TPRG1: variants seen among roughly 807,000 people sequenced by gnomAD.
TPRG1 encodes tumor protein p63 regulated 1, also known as tumor protein p63-regulated gene 1 protein.
Under a neutral mutation model 29.3 loss-of-function variants are expected in TPRG1, and 29 were observed. The observed-to-expected ratio is 0.99, with a 90% CI of 0.74 to 1.35. The LOEUF is 1.35. TPRG1 is among the 40% of genes most tolerant of loss of function. The probability of loss-of-function intolerance (pLI) is 0.00; values close to 1 mark genes in which losing one functional copy is unlikely to be tolerated. For missense variants in TPRG1, 327 were observed against 335.0 expected, an observed-to-expected ratio of 0.98 and a Z score of 0.19; for synonymous variants, 130 against 116.8, an observed-to-expected ratio of 1.11 and a Z score of -0.73.
upstream of TPRG1, among the ~76,000 whole-genome samples, chr3:189,170,696 A>G (rs1308331068): frequency 6.6e-6 from 1 of 152,174 alleles, no homozygotes; most frequent in Non-Finnish European, 1.5e-5. Context: ...AGTATACATG[A>G]CGTCCTCGAC....
intron 1 of TPRG1, among the ~76,000 whole-genome samples, chr3:189,124,974 C>T (rs1560466635): frequency 6.6e-6 from 1 of 152,146 alleles, no homozygotes; most frequent in African/African-American, 2.4e-5. Flanking sequence ...GCAATGAGAT[C>T]TTAAGTGATT....
intron 1 of TPRG1, among the ~76,000 whole-genome samples, chr3:189,102,548 C>T (rs1719327143): frequency 6.6e-6 from 1 of 152,200 alleles, no homozygotes; most frequent in Non-Finnish European, 1.5e-5. Flanking sequence ...TAAATTGACT[C>T]TATTGCCTAA....
intron 4 of TPRG1, among the ~76,000 whole-genome samples, chr3:189,076,923 C>CATATATATATATATATATAT (rs150949911): frequency 5.2e-4 from 73 of 140,646 alleles, no homozygotes; most frequent in African/African-American, 2.0e-3. Context: ...TATATGTGTA[C>CATATATATATATATATATAT]ATATATATAT....
At chr3:189,038,243 A>T (rs1176317840) in intron 4 of TPRG1, among the ~76,000 whole-genome samples, 24 of 152,050 alleles carry the variant, frequency 1.6e-4, no homozygotes, top group Admixed American at 1.6e-3. Context: ...TATGGTATAA[A>T]ATTAAGGTGA....
At chr3:189,064,523 GA>G (rs1716312344) in intron 4 of TPRG1, among the ~76,000 whole-genome samples, 1 of 151,992 alleles carries the variant, frequency 6.6e-6, no homozygotes, top group Admixed American at 6.6e-5. Flanking sequence ...GAAAAAATAA[GA>G]AAGATTATAG....
At chr3:189,030,481 C>T (rs1713874296) in intron 4 of TPRG1, among the ~76,000 whole-genome samples, 1 of 152,180 alleles carries the variant, frequency 6.6e-6, no homozygotes, top group Non-Finnish European at 1.5e-5. Flanking sequence ...AAATAATTCA[C>T]TTTCCAATTC....
At chr3:189,025,412 T>G (rs1443136500) in intron 4 of TPRG1, among the ~76,000 whole-genome samples, 2 of 152,218 alleles carry the variant, frequency 1.3e-5, no homozygotes, top group Non-Finnish European at 2.9e-5. Flanking sequence ...ATTGCTTCCC[T>G]GATCAGTCCC....
At chr3:189,250,173 G>C (rs1741940386) in intron 4 of TPRG1, among the ~76,000 whole-genome samples, 3 of 152,136 alleles carry the variant, frequency 2.0e-5, no homozygotes, top group African/African-American at 7.2e-5. Context: ...TGTGGTTAGA[G>C]TGGGGAAGCC....
intron 4 of TPRG1, among the ~76,000 whole-genome samples, chr3:189,065,069 C>G (rs1716349281): frequency 6.6e-6 from 1 of 151,944 alleles, no homozygotes; most frequent in African/African-American, 2.4e-5. Context: ...CACAGCTACT[C>G]AAGAGGTTGA....
chr3:189,003,583 C>G (rs710502), intron 2 of TPRG1, among the ~76,000 whole-genome samples: 134,889 of 152,094 alleles, frequency 0.89, 61,743 homozygotes, highest in Non-Finnish European at 1. Context: ...TTGTAGAGCT[C>G]TGGCTTGTAT....
rs551972147 is a variant in TPRG1, at chr3:189,060,101, G to A, written c.-463+36155G>A. On this transcript the variant is annotated intron_variant, in intron 4 of 10. Transcript: ENST00000433971. ...TACAAAATTAGCCGGGTGTGGTGGC[G>A]CATGCCTGTAATCCCAGCTTTTCAG... 1.1e-3 allele frequency among the ~76,000 whole-genome samples: 170 copies of A among 152,128 alleles called. 3 individuals are homozygous for A. In the South Asian group the frequency reaches 0.033, roughly 30 times the overall value.
rs1724433738 is a variant in TPRG1, at chr3:189,322,835, T to C, written c.*2015T>C. ...GAAAGGATGACAGGAGGGAGATGTTTCTTAGTTCTGAGAGCCAGTCTGTAA... is the reference window on the plus strand; with the variant it reads ...GAAAGGATGACAGGAGGGAGATGTTCCTTAGTTCTGAGAGCCAGTCTGTAA... On this transcript the variant is annotated 3_prime_UTR_variant, in exon 6 of 6. Coordinates refer to ENST00000345063, the MANE Select transcript of TPRG1 (RefSeq NM_198485.4). The C allele has an allele frequency of 6.6e-6, 1 of 152,130 alleles. No homozygotes were observed. Among genetic ancestry groups the C allele is most frequent in the Admixed American group, 6.6e-5 (1 of 15,238 alleles). 9.4% of individuals were successfully genotyped at this position (152,130 alleles called of 1,614,324 possible). A position where few individuals can be genotyped will look rare whatever the true frequency, so the allele number is the denominator to read the frequency against.
chr3:188,999,534 A>G (rs764460101), intron 1 of TPRG1, among the ~76,000 whole-genome samples: 15 of 152,176 alleles, frequency 9.9e-5, no homozygotes, highest in Admixed American at 4.6e-4. Context: ...ATCCTGCCAT[A>G]TGGTGACTAT....
intron 1 of TPRG1, among the ~76,000 whole-genome samples, chr3:189,114,748 A>G (rs1391996702): frequency 1.3e-5 from 2 of 152,078 alleles, no homozygotes; most frequent in African/African-American, 4.8e-5. Context: ...TACATTGTCT[A>G]ATATTTGATT....
At chr3:189,250,722 CAG>C (rs1282794279) in intron 4 of TPRG1, among the ~76,000 whole-genome samples, 1 of 135,616 alleles carries the variant, frequency 7.4e-6, no homozygotes, top group East Asian at 2.2e-4. Flanking sequence ...AGAGCCTGGA[CAG>C]AGTCTGAGCA....
At chr3:189,300,673 C>T (rs1720686763) in intron 4 of TPRG1, among the ~76,000 whole-genome samples, 1 of 152,164 alleles carries the variant, frequency 6.6e-6, no homozygotes, top group Non-Finnish European at 1.5e-5. Context: ...AGCTCCAGAT[C>T]CCTGCATCTG....
intron 3 of TPRG1, among the ~76,000 whole-genome samples, chr3:189,016,301 A>G (rs1256134887): frequency 6.6e-6 from 1 of 152,092 alleles, no homozygotes; most frequent in East Asian, 1.9e-4. Flanking sequence ...TCCATTTGGA[A>G]TGGGAGTATT....
chr3:189,072,661 T>C (rs1716880740), intron 4 of TPRG1, among the ~76,000 whole-genome samples: 1 of 152,180 alleles, frequency 6.6e-6, no homozygotes, highest in Non-Finnish European at 1.5e-5. Context: ...TTTGTAGTGA[T>C]ATGCTTTTAG....
At chr3:189,007,497 C>T (rs1712355844) in intron 3 of TPRG1, among the ~76,000 whole-genome samples, 1 of 151,460 alleles carries the variant, frequency 6.6e-6, no homozygotes, top group African/African-American at 2.4e-5. Context: ...GGCGATTCCT[C>T]AGGGATCTAG....
Sources: allele counts gnomAD v4.1 joint callset (sites outside exome capture counted in the v4.1 genomes callset), GRCh38; gene constraint gnomAD v4.1.1; transcripts MANE v1.5; gene names NCBI Gene and HGNC (gene_info 2026-07-23, HGNC 2026-07-21).